Variants in SORL1 observed in about 807,000 individuals in gnomAD.
SORL1 encodes sortilin-related receptor.
In SORL1, 127 loss-of-function variants were observed where a neutral mutation model predicts 273.7. The observed-to-expected ratio is 0.46, with a 90% CI of 0.40 to 0.54. The LOEUF is 0.54. SORL1 is among the 20% of genes least tolerant of loss of function. The pLI, the probability that SORL1 is intolerant of heterozygous loss-of-function variation, is 0.00. For synonymous variants in SORL1, 1,031 were observed against 1,067.4 expected (o/e 0.97, Z 0.66); for missense variants, 2,494 against 2,846.1 (o/e 0.88, Z 2.81).
chr11:121,565,494 T>C (rs1196011046), intron 21 of SORL1, among the ~76,000 whole-genome samples: 1 of 152,234 alleles, frequency 6.6e-6, no homozygotes, highest in Non-Finnish European at 1.5e-5. Flanking sequence ...TAGGCCAGGA[T>C]AGGCATGGCT....
chr11:121,570,030 C>G (rs1385803479), intron 22 of SORL1, 127 bp from the exon 23 acceptor site: 1 of 534,764 alleles, frequency 1.9e-6, no homozygotes, highest in Non-Finnish European at 3.3e-6. Flanking sequence ...TGAATTTCAC[C>G]CGATATCTGG....
Position 121,595,055 on chromosome 11 carries a change from C to T in SORL1, c.4370-568C>T, listed in dbSNP as rs1397492354. ...TTGCTGTCAACTACGCCTATCTAAACAACTCTCTGTTTTTACTTTCTCCAA... is the reference window on the plus strand; with the variant it reads ...TTGCTGTCAACTACGCCTATCTAAATAACTCTCTGTTTTTACTTTCTCCAA... On this transcript the variant is annotated intron_variant, in intron 31 of 47. Coordinates refer to ENST00000260197, the MANE Select transcript of SORL1 (RefSeq NM_003105.6). The surrounding 1 kb of genome is among the most constrained non-coding windows in gnomAD (Gnocchi z 5.1). Among the ~76,000 whole-genome samples the T allele has an allele frequency of 6.6e-6, 1 of 152,222 alleles. No individual in the cohort carries two copies. Among genetic ancestry groups the T allele is most frequent in the East Asian group, 1.9e-4 (1 of 5,206 alleles).
intron 4 of SORL1, among the ~76,000 whole-genome samples, 179 bp downstream of exon 4, chr11:121,488,372 A>G (rs1020105338): frequency 6.6e-6 from 1 of 151,746 alleles, no homozygotes; most frequent in Non-Finnish European, 1.5e-5. Context: ...TCCTCCTGGC[A>G]CTCTCAGTTG....
At chr11:121,464,657 A>G (rs771717918) in intron 1 of SORL1, among the ~76,000 whole-genome samples, 4 of 152,156 alleles carry the variant, frequency 2.6e-5, no homozygotes, top group Non-Finnish European at 2.9e-5. Context: ...GTGGGGTGAT[A>G]TGGACTTGTT....
At chr11:121,478,312 AG>A (rs974291481) in intron 3 of SORL1, 69 bp downstream of exon 3, 2 of 1,534,594 alleles carry the variant, frequency 1.3e-6, no homozygotes, top group South Asian at 2.3e-5. Flanking sequence ...GCCGCACTTA[AG>A]GGGGTGCTAG....
rs1316864665 is a variant in SORL1, at chr11:121,606,850, G to C, written c.4954G>C (p.Asp1652His). The C allele has an allele frequency of 6.2e-7, 1 of 1,612,812 alleles. No individual in the cohort carries two copies. Among genetic ancestry groups the C allele is most frequent in the Non-Finnish European group, 8.5e-7 (1 of 1,179,050 alleles). The stretch of plus-strand genomic sequence containing the variant: ...TGAGTTGACTCTTTTTCTAGTGCCA[G>C]ATGCCCCTCGAAATCTCCAGCTGTC... The part of the protein sequence containing the change: ...VTLRTPEGLP[D>H]APRNLQLSLP... The change falls in exon 36 of 48, where the codon GAT (aspartate) becomes CAT (histidine). Residue 1652 changes from aspartate to histidine, a missense_variant. Transcript: ENST00000260197.
rs889174509 is a variant in SORL1 at position 121,618,754 on chromosome 11, C to G, written c.5605-20C>G. ...TCGGCCCATGAGCTGATGTCCTCTT[C>G]CATTCTCTGCTTTTACCAGGTTTAT... is the stretch of plus-strand genomic sequence containing the variant. On this transcript the variant is annotated intron_variant, in intron 41 of 47. Transcript: ENST00000260197. 6.2e-7 allele frequency: 1 copy of G among 1,613,848 alleles called. No individual in the cohort carries two copies. Among genetic ancestry groups the G allele is most frequent in the African/African-American group, 1.3e-5 (1 of 74,914 alleles).
At chr11:121,453,106 G>T (rs1352853184) in intron 1 of SORL1, 1 of 153,088 alleles carries the variant, frequency 6.5e-6, no homozygotes, top group South Asian at 2.1e-4. Context: ...CAGACAAGAG[G>T]TGTGTGTATG....
intron 18 of SORL1, 135 bp from the exon 19 acceptor site, chr11:121,557,179 G>C (rs1280765600): frequency 2.8e-6 from 2 of 706,492 alleles, no homozygotes; most frequent in African/African-American, 3.5e-5. Flanking sequence ...AGGTTTCGCA[G>C]ATGGGTCAGG....
intron 11 of SORL1, among the ~76,000 whole-genome samples, chr11:121,526,851 A>G (rs1354016587): frequency 2.6e-5 from 4 of 152,140 alleles, no homozygotes; most frequent in African/African-American, 4.8e-5. Flanking sequence ...TATGTAAGCA[A>G]TCATACCATT....
intron 27 of SORL1, 25 bp downstream of exon 27, chr11:121,586,354 A>C: frequency 6.5e-7 from 1 of 1,544,926 alleles, no homozygotes; most frequent in Non-Finnish European, 9.0e-7. Flanking sequence ...TGCCCCCAGG[A>C]AGCACTCAGG....
chr11:121,452,699 C>T lies in SORL1; in HGVS notation c.285+83C>T. ...CCCCCGCATCCATCCGTTGCAGTCGCCTCCTAGGTGCAGGCACCACTGGGG... is the reference window on the plus strand; with the variant it reads ...CCCCCGCATCCATCCGTTGCAGTCGTCTCCTAGGTGCAGGCACCACTGGGG... On this transcript the variant is annotated intron_variant, in intron 1 of 47. Transcript: ENST00000260197. This position sits in a 1 kb window ranked among gnomAD's most constrained non-coding sequence, Gnocchi z 5.3. The T allele has an allele frequency of 3.2e-6, 4 of 1,267,588 alleles. No individual in the cohort carries two copies. Among genetic ancestry groups the T allele is most frequent in the Non-Finnish European group, 3.1e-6 (3 of 977,388 alleles). The allele number at this position is 1,267,588 out of a possible 1,614,324, so 78.5% of individuals were successfully genotyped here.
At chr11:121,497,846 G>T (rs1426351282) in intron 6 of SORL1, among the ~76,000 whole-genome samples, 1 of 152,186 alleles carries the variant, frequency 6.6e-6, no homozygotes, top group Non-Finnish European at 1.5e-5. Flanking sequence ...TGCTAACTGG[G>T]AGGTTACTCT....
In SORL1 at chr11:121,591,912, C is replaced by G. The variant is rs117465189; in HGVS notation, c.4369+756C>G. On this transcript the variant is annotated intron_variant, in intron 31 of 47. Transcript: ENST00000260197. ...GCATGTAGGGATCTCCTGGGTTCCACCCAGAAATTCTGATTCTATGTTTTT... is the reference window on the plus strand; with the variant it reads ...GCATGTAGGGATCTCCTGGGTTCCAGCCAGAAATTCTGATTCTATGTTTTT... Among the ~76,000 whole-genome samples, 810 of 152,302 alleles carry G rather than the reference C, an allele frequency of 5.3e-3. 3 individuals are homozygous for G. Among genetic ancestry groups the G allele is most frequent in the Middle Eastern group, 0.014 (4 of 294 alleles).
chr11:121,566,501 G>A (rs1862756609), intron 21 of SORL1, among the ~76,000 whole-genome samples: 2 of 152,092 alleles, frequency 1.3e-5, no homozygotes, highest in Non-Finnish European at 2.9e-5. Flanking sequence ...TGCCATGCCT[G>A]GCCTCCTTAA....
At chr11:121,460,051 A>G (rs1457110096) in intron 1 of SORL1, among the ~76,000 whole-genome samples, 1 of 152,208 alleles carries the variant, frequency 6.6e-6, no homozygotes, top group Non-Finnish European at 1.5e-5. Flanking sequence ...TGATGTGATT[A>G]TATCCCAAAT....
intron 46 of SORL1, chr11:121,626,451 G>C (rs1180591739): frequency 9.5e-6 from 1 of 104,748 alleles, no homozygotes; most frequent in African/African-American, 5.4e-5. Flanking sequence ...GATGTTGCTA[G>C]AGTTTTTTTT....
chr11:121,591,858 T>A (rs1863220542), intron 31 of SORL1, among the ~76,000 whole-genome samples: 1 of 152,224 alleles, frequency 6.6e-6, no homozygotes, highest in Non-Finnish European at 1.5e-5. Flanking sequence ...TTTAAAAACA[T>A]CAAAATCCCA....
chr11:121,591,218 G>T (rs1314395319), intron 31 of SORL1, 62 bp downstream of exon 31: 3 of 1,574,634 alleles, frequency 1.9e-6, no homozygotes, highest in South Asian at 2.2e-5. Context: ...CCTTCTGGGG[G>T]TGTGCTCTGG....
Sources: gnomAD v4.1 joint callset for allele counts (sites outside exome capture counted in the v4.1 genomes callset) on GRCh38, gnomAD v4.1.1 for gene constraint, Gnocchi (gnomAD v3.1) non-coding constraint, MANE v1.5 for transcripts, NCBI Gene and HGNC (gene_info 2026-07-23, HGNC 2026-07-21) for gene names.